Variants in RIOK3 observed in about 807,000 individuals in gnomAD.
RIOK3 encodes serine/threonine-protein kinase RIO3.
Under a neutral mutation model 63.5 loss-of-function variants are expected in RIOK3, and 40 were observed. That is an observed-to-expected ratio of 0.63 (90% CI 0.49 to 0.82). The LOEUF is 0.82. Among genes scored for constraint, RIOK3 ranks in the 40% least tolerant of loss-of-function variants. The pLI is 0.00. For synonymous variants in RIOK3, 193 were observed against 205.0 expected (o/e 0.94, Z 0.50); for missense variants, 557 against 637.0 (o/e 0.87, Z 1.35).
Position 23,453,411 on chromosome 18 carries a change from T to C in RIOK3, c.-29T>C. ...GCTGCCCGTCCTGCCACCTCTCTGC[T>C]CTGTTCTTGTCTCTGCCTTCATTCC... On this transcript the variant is annotated 5_prime_UTR_variant, in exon 1 of 13. Transcript: ENST00000339486. The C allele has an allele frequency of 6.3e-7, 1 of 1,595,702 alleles. No individual in the cohort carries two copies. The highest frequency in any genetic ancestry group is 1.1e-5 in the South Asian group (1 of 90,724).
At chr18:23,474,412 T>C (rs191683491) in intron 8 of RIOK3, among the ~76,000 whole-genome samples, 351 of 152,206 alleles carry the variant, frequency 2.3e-3, no homozygotes, top group Non-Finnish European at 3.6e-3. Context: ...TAATTCCAGG[T>C]AGAATCATTT....
At chr18:23,469,385 T>TCTCC in intron 7 of RIOK3, among the ~76,000 whole-genome samples, 1 of 4,780 alleles carries the variant, frequency 2.1e-4, no homozygotes, top group East Asian at 0.011. Context: ...CTCCCCTCCC[T>TCTCC]CCCCTCTCTC....
rs755217285 is a variant in RIOK3, at chr18:23,462,963, G to A, written c.64-1G>A. On this transcript the variant is annotated splice_acceptor_variant, in intron 1 of 12. Coordinates refer to ENST00000339486, the MANE Select transcript of RIOK3 (RefSeq NM_003831.5). LOFTEE classifies it high-confidence loss of function. ...AGCTGTTCTTTTTTCTTTTTTCATAGTGTCCATGGGCTATTCCTCAAAATA... is the reference window on the plus strand; with the variant it reads ...AGCTGTTCTTTTTTCTTTTTTCATAATGTCCATGGGCTATTCCTCAAAATA... The A allele has an allele frequency of 7.1e-7, 1 of 1,403,618 alleles. No individual in the cohort carries two copies. Among genetic ancestry groups the A allele is most frequent in the Non-Finnish European group, 9.5e-7 (1 of 1,050,206 alleles). The allele number at this position is 1,403,618 out of a possible 1,614,324, so 86.9% of individuals were successfully genotyped here. A position where few individuals can be genotyped will look rare whatever the true frequency, so the allele number is the denominator to read the frequency against.
chr18:23,472,635 G>A (rs929805072), intron 7 of RIOK3, among the ~76,000 whole-genome samples: 3 of 152,006 alleles, frequency 2.0e-5, no homozygotes, highest in Admixed American at 6.6e-5. Context: ...TGACAGTATC[G>A]TTCACTCGAT....
chr18:23,457,679 T>A (rs1011772830), intron 1 of RIOK3, among the ~76,000 whole-genome samples: 8 of 152,192 alleles, frequency 5.3e-5, no homozygotes, highest in Non-Finnish European at 1.0e-4. Context: ...AAAAAAATTT[T>A]AAAAAATGGA....
chr18:23,457,539 G>A lies in RIOK3; in HGVS notation c.63+4037G>A, dbSNP rs111964055. ...AATAATTATGTATCAATATTGGTTCGTGAATTGTGACAAACGTATAATACT... is the reference window on the plus strand; with the variant it reads ...AATAATTATGTATCAATATTGGTTCATGAATTGTGACAAACGTATAATACT... On this transcript the variant is annotated intron_variant, in intron 1 of 12. Transcript: ENST00000339486. 4.0e-3 allele frequency among the ~76,000 whole-genome samples: 609 copies of A among 152,266 alleles called. 8 individuals are homozygous for A. Among genetic ancestry groups the A allele is most frequent in the African/African-American group, 0.014 (582 of 41,558 alleles).
intron 1 of RIOK3, among the ~76,000 whole-genome samples, chr18:23,457,316 T>A (rs1166008873): frequency 6.6e-6 from 1 of 151,808 alleles, no homozygotes; most frequent in Admixed American, 6.6e-5. Flanking sequence ...GTAAAAAAAA[T>A]AAATAAATAG....
chr18:23,476,671 G>A (rs1235467217), intron 9 of RIOK3, among the ~76,000 whole-genome samples: 1 of 152,156 alleles, frequency 6.6e-6, no homozygotes, highest in African/African-American at 2.4e-5. Context: ...CACTCTGGGA[G>A]GCCGAGGTGG....
In RIOK3 at chr18:23,473,571, A is replaced by C. The variant is rs1347287953; in HGVS notation, c.958A>C (p.Asn320His). 3.1e-6 allele frequency: 5 copies of C among 1,613,706 alleles called. No homozygotes were observed. The South Asian group carries it at 5.5e-5, about 18-fold the overall frequency. ...FRFKDRFSKLNPRKIIRMWAE... is the reference protein window; with the variant it reads ...FRFKDRFSKLHPRKIIRMWAE... The stretch of plus-strand genomic sequence containing the variant: ...GTTTAAAGATCGCTTCAGTAAACTA[A>C]ATCCACGTAAGATCATCCGCATGTG... Residue 320 changes from asparagine to histidine, a missense_variant, in exon 8 of 13, where the codon AAT becomes CAT. Around this residue, in one of 3 missense-constraint regions of RIOK3, gnomAD observed 309 missense variants for 338.7 expected, o/e 0.91. Transcript: ENST00000339486.
chr18:23,461,594 A>G (rs1191453048), intron 1 of RIOK3, among the ~76,000 whole-genome samples: 1 of 152,264 alleles, frequency 6.6e-6, no homozygotes, highest in Non-Finnish European at 1.5e-5. Flanking sequence ...TCAATAGGCT[A>G]TAAAATATAA....
chr18:23,480,367 T>G (rs2057522882), intron 12 of RIOK3, among the ~76,000 whole-genome samples: 1 of 152,198 alleles, frequency 6.6e-6, no homozygotes, highest in South Asian at 2.1e-4. Flanking sequence ...GCTCAGTAAG[T>G]AAGTGATACT....
At position 23,473,564 on chromosome 18, in the gene RIOK3, T is replaced by C; in HGVS notation, c.951T>C (p.Ser317=). Residue 317 remains serine (S), a synonymous_variant, in exon 8 of 13, where the codon AGT becomes AGC. Transcript: ENST00000339486. ...KDDFRFKDRF[S]KLNPRKIIRM... is the part of the protein sequence containing the mutation. Reference sequence around the variant, plus strand: ...ATTTCAGGTTTAAAGATCGCTTCAGTAAACTAAATCCACGTAAGATCATCC... The same window carrying C: ...ATTTCAGGTTTAAAGATCGCTTCAGCAAACTAAATCCACGTAAGATCATCC... 1.2e-6 allele frequency: 2 copies of C among 1,613,702 alleles called. No homozygotes were observed. The highest frequency in any genetic ancestry group is 1.7e-6 in the Non-Finnish European group (2 of 1,179,726).
At chr18:23,466,314 G>A in intron 6 of RIOK3, 38 bp downstream of exon 6, 5 of 1,445,930 alleles carry the variant, frequency 3.5e-6, no homozygotes, top group South Asian at 2.9e-5. Flanking sequence ...TTTTTTACTA[G>A]AAAGATTCAT....
At chr18:23,456,560 A>T (rs2057342531) in intron 1 of RIOK3, 1 of 152,172 alleles carries the variant, frequency 6.6e-6, no homozygotes, top group South Asian at 2.1e-4. Context: ...GTGGAAAAAG[A>T]AAACAAACAA....
rs753759254 is a variant in RIOK3, at chr18:23,477,024, C to T, written c.1192C>T (p.His398Tyr). 9 of 1,613,430 alleles carry T rather than the reference C, an allele frequency of 5.6e-6. No individual in the cohort carries two copies. In the East Asian group the frequency reaches 1.3e-4, roughly 24 times the overall value. The change falls in exon 10 of 13, where the codon CAT becomes TAT. Residue 398 changes from histidine to tyrosine, a missense_variant. His to Tyr is a moderately conservative substitution (Grantham distance 83). Coordinates refer to ENST00000339486, the MANE Select transcript of RIOK3 (RefSeq NM_003831.5). The part of the protein sequence containing the change: ...QTLHLMRQLY[H>Y]ECTLVHADLS... ...TTCACAGTTGATGCGGCAGTTATAT[C>T]ATGAATGTACGCTTGTCCATGCTGA... is the stretch of plus-strand genomic sequence containing the variant.
Position 23,473,498 on chromosome 18 carries a change from C to A in RIOK3, c.885C>A (p.Thr295=). The A allele has an allele frequency of 1.2e-6, 2 of 1,611,662 alleles. No individual in the cohort carries two copies. The highest frequency in any genetic ancestry group is 1.7e-6 in the Non-Finnish European group (2 of 1,178,242). ...TECAIKVFKT[T]LNEFKNRDKY... Reference sequence around the variant, plus strand: ...GTGCCATCAAGGTATTTAAAACAACCCTTAATGAATTTAAGAATCGTGACA... The same window carrying A: ...GTGCCATCAAGGTATTTAAAACAACACTTAATGAATTTAAGAATCGTGACA... The change falls in exon 8 of 13, where the codon ACC becomes ACA. Residue 295 remains threonine, a synonymous_variant. Coordinates refer to ENST00000339486, the MANE Select transcript of RIOK3 (RefSeq NM_003831.5).
At position 23,479,515 on chromosome 18, in the gene RIOK3, T is replaced by C. The variant is rs1234888077; in HGVS notation, c.1452+91T>C. ...AACCCAGAGCTAGTTTTATCCTCCC[T>C]TTCCCCCAAAACAAAATTAATTTGA... On this transcript the variant is annotated intron_variant, in intron 12 of 12. Transcript: ENST00000339486. 21 of 671,566 alleles carry C rather than the reference T, an allele frequency of 3.1e-5. No homozygotes were observed. In the Admixed American group the frequency reaches 5.8e-4, roughly 19 times the overall value. The allele number at this position is 671,566 out of a possible 1,614,324, so 41.6% of individuals were successfully genotyped here.
intron 1 of RIOK3, among the ~76,000 whole-genome samples, chr18:23,459,290 A>G (rs1171345207): frequency 6.6e-6 from 1 of 152,218 alleles, no homozygotes; most frequent in Non-Finnish European, 1.5e-5. Flanking sequence ...AGGACATTAG[A>G]TTAGCAGGGA....
chr18:23,475,294 C>A (rs918035230), intron 9 of RIOK3, among the ~76,000 whole-genome samples, 187 bp downstream of exon 9: 3 of 151,428 alleles, frequency 2.0e-5, no homozygotes, highest in East Asian at 1.9e-4. Context: ...CATGGTGAAA[C>A]CCTGTCTCTA....
Sources: gnomAD v4.1 joint callset for allele counts (sites outside exome capture counted in the v4.1 genomes callset) on GRCh38, gnomAD v4.1.1 for gene constraint, gnomAD v4.1.1 regional missense constraint, MANE v1.5 for transcripts, NCBI Gene and HGNC (gene_info 2026-07-23, HGNC 2026-07-21) for gene names.